DESI2: variants seen among roughly 807,000 people sequenced by gnomAD.
The protein encoded by DESI2 is deubiquitinase DESI2.
A neutral mutation model predicts 24.1 loss-of-function variants in DESI2; 10 were observed. That is an observed-to-expected ratio of 0.41 (90% CI 0.26 to 0.70). DESI2 has a LOEUF of 0.70. Among genes scored for constraint, DESI2 ranks in the 30% least tolerant of loss-of-function variants. The probability of loss-of-function intolerance (pLI) is 0.29; values close to 1 mark genes in which losing one functional copy is unlikely to be tolerated. For missense variants in DESI2, 122 were observed against 234.9 expected (o/e 0.52, Z 3.14); for synonymous variants, 71 against 87.7 (o/e 0.81, Z 1.06).
intron 1 of DESI2, among the ~76,000 whole-genome samples, chr1:244,674,436 G>A (rs1455461045): frequency 6.6e-6 from 1 of 150,412 alleles, no homozygotes; most frequent in Non-Finnish European, 1.5e-5. Flanking sequence ...TCACAGTTGT[G>A]AAGCCATCAT....
At chr1:244,701,981 G>A (rs1347447136) in intron 4 of DESI2, among the ~76,000 whole-genome samples, 1 of 152,128 alleles carries the variant, frequency 6.6e-6, no homozygotes, top group Non-Finnish European at 1.5e-5. Context: ...TGATTTTCTA[G>A]AAGAGGGATT....
At chr1:244,657,036 G>T (rs1248822080) in intron 1 of DESI2, among the ~76,000 whole-genome samples, 1 of 152,206 alleles carries the variant, frequency 6.6e-6, no homozygotes, top group African/African-American at 2.4e-5. Flanking sequence ...GCGTCCCAAA[G>T]TTCTGGGATT....
At chr1:244,695,486 T>C (rs1677178290) in intron 4 of DESI2, among the ~76,000 whole-genome samples, 1 of 152,072 alleles carries the variant, frequency 6.6e-6, no homozygotes, top group Non-Finnish European at 1.5e-5. Context: ...ACCTCATCTC[T>C]AACTAAAAAT....
intron 1 of DESI2, among the ~76,000 whole-genome samples, chr1:244,663,286 T>C (rs547497613): frequency 1.4e-4 from 22 of 152,112 alleles, no homozygotes; most frequent in South Asian, 6.2e-4. Context: ...ACGCCATTCT[T>C]CTGCCTCAGT....
intron 1 of DESI2, among the ~76,000 whole-genome samples, chr1:244,668,563 T>C (rs1033276779): frequency 1.3e-5 from 2 of 152,246 alleles, no homozygotes; most frequent in Non-Finnish European, 2.9e-5. Context: ...GTTATTCTTA[T>C]ACTTATCCAG....
chr1:244,654,162 C>G (rs1178548298), intron 1 of DESI2: 1 of 379,734 alleles, frequency 2.6e-6, no homozygotes, highest in Non-Finnish European at 5.3e-6. Flanking sequence ...TGAAATGCCC[C>G]CAGAAAAAAG....
intron 1 of DESI2, among the ~76,000 whole-genome samples, chr1:244,666,509 A>G (rs140899363): frequency 2.6e-5 from 4 of 152,324 alleles, no homozygotes; most frequent in African/African-American, 4.8e-5. Context: ...ATTTATCTCT[A>G]TTAACCATCA....
intron 1 of DESI2, 81 bp from the exon 2 acceptor site, chr1:244,686,516 T>C: frequency 2.3e-6 from 2 of 857,134 alleles, no homozygotes; most frequent in South Asian, 2.8e-5. Context: ...AGTGAAAGAC[T>C]GGGGAGCAGT....
chr1:244,705,904 A>C lies in DESI2; in HGVS notation c.*115A>C. ...GTATGCAAAGATGGCTCTCCCCCAA[A>C]TCCCAGTTTTTCAGCTCAGGATTAT... On this transcript the variant is annotated 3_prime_UTR_variant, in exon 5 of 5. Coordinates refer to ENST00000302550, the MANE Select transcript of DESI2 (RefSeq NM_016076.5). The C allele has an allele frequency of 2.7e-5, 20 of 731,938 alleles. No individual in the cohort carries two copies. The highest frequency in any genetic ancestry group is 4.2e-5 in the Non-Finnish European group (19 of 456,892). 45.3% of individuals were successfully genotyped at this position (731,938 alleles called of 1,614,324 possible).
At chr1:244,653,937 G>T (rs41269389) in intron 1 of DESI2, 22,628 of 471,182 alleles carry the variant, frequency 0.048, 690 homozygotes, top group Middle Eastern at 0.096. Flanking sequence ...ATATGAATGA[G>T]GCTAACATTT....
chr1:244,677,459 C>T (rs964439044), intron 1 of DESI2, among the ~76,000 whole-genome samples: 1 of 152,150 alleles, frequency 6.6e-6, no homozygotes, highest in Non-Finnish European at 1.5e-5. Context: ...AACTCTTCAA[C>T]TTCTGGGGGT....
In DESI2 at chr1:244,689,173, A is replaced by G. The variant is rs1303682364; in HGVS notation, c.116-76A>G. On this transcript the variant is annotated intron_variant, in intron 2 of 4. Coordinates refer to ENST00000302550, the MANE Select transcript of DESI2 (RefSeq NM_016076.5). The surrounding 1 kb of genome is among the most constrained non-coding windows in gnomAD (Gnocchi z 4.0). The stretch of plus-strand genomic sequence containing the variant: ...TTAGATGGTGTCACTGTTATCCTCA[A>G]TTATTAAAGCTAATTCAGCATTCTG... 1.3e-6 allele frequency: 1 copy of G among 770,642 alleles called. No individual in the cohort carries two copies. The highest frequency in any genetic ancestry group is 1.7e-5 in the African/African-American group (1 of 57,286). The allele number at this position is 770,642 out of a possible 1,614,324, so 47.7% of individuals were successfully genotyped here.
intron 1 of DESI2, among the ~76,000 whole-genome samples, chr1:244,676,408 C>T (rs1465323694): frequency 1.3e-5 from 2 of 151,912 alleles, no homozygotes; most frequent in African/African-American, 4.8e-5. Flanking sequence ...GATCTTGTAC[C>T]CTGCAATGTT....
intron 1 of DESI2, among the ~76,000 whole-genome samples, chr1:244,669,194 A>C (rs1166206399): frequency 1.3e-5 from 2 of 151,934 alleles, no homozygotes. Context: ...ATAGGGTCTC[A>C]CTATGTGGCC....
At chr1:244,701,210 CCT>C (rs1558669737) in intron 4 of DESI2, among the ~76,000 whole-genome samples, 2 of 29,486 alleles carry the variant, frequency 6.8e-5, no homozygotes, top group South Asian at 2.0e-3. Flanking sequence ...ACCACCTTCC[CCT>C]CCACCCCCCC....
At chr1:244,666,373 C>G (rs910954702) in intron 1 of DESI2, among the ~76,000 whole-genome samples, 3 of 152,172 alleles carry the variant, frequency 2.0e-5, no homozygotes, top group Non-Finnish European at 4.4e-5. Flanking sequence ...AGAATTGTCA[C>G]CACTCTTTTC....
At chr1:244,658,098 T>A (rs1045137056) in intron 1 of DESI2, among the ~76,000 whole-genome samples, 4 of 152,232 alleles carry the variant, frequency 2.6e-5, no homozygotes, top group African/African-American at 4.8e-5. Context: ...CTTCTCAAGT[T>A]CAGGCCCTCA....
At chr1:244,673,824 C>T (rs891647080) in intron 1 of DESI2, among the ~76,000 whole-genome samples, 4 of 151,876 alleles carry the variant, frequency 2.6e-5, no homozygotes, top group African/African-American at 7.3e-5. Context: ...GTTATAATGC[C>T]GAATTATTCT....
chr1:244,700,916 A>G (rs1468702071), intron 4 of DESI2, among the ~76,000 whole-genome samples: 1 of 152,246 alleles, frequency 6.6e-6, no homozygotes, highest in Non-Finnish European at 1.5e-5. Context: ...CTTAATAGAT[A>G]CAGTAAAATT....
Sources: gnomAD v4.1 joint callset for allele counts (sites outside exome capture counted in the v4.1 genomes callset) on GRCh38, gnomAD v4.1.1 for gene constraint, Gnocchi (gnomAD v3.1) non-coding constraint, MANE v1.5 for transcripts, NCBI Gene and HGNC (gene_info 2026-07-23, HGNC 2026-07-21) for gene names.